FREM1: variants seen among roughly 807,000 people sequenced by gnomAD.
FREM1 encodes the protein FRAS1-related extracellular matrix protein 1.
In FREM1, 220 loss-of-function variants were observed where a neutral mutation model predicts 210.1. The observed-to-expected ratio is 1.05, with a 90% CI of 0.94 to 1.17. The LOEUF is 1.17. FREM1 is among the 50% of genes most tolerant of loss of function. The pLI, the probability that FREM1 is intolerant of heterozygous loss-of-function variation, is 0.00. For synonymous variants in FREM1, 1,189 were observed against 980.2 expected (o/e 1.21, Z -3.98); for missense variants, 3,454 against 2,675.5 (o/e 1.29, Z -6.42).
intron 26 of FREM1, 125 bp downstream of exon 26, chr9:14,770,480 G>T: frequency 1.5e-6 from 1 of 663,914 alleles, no homozygotes. Context: ...TTTATAAACT[G>T]CATCTATCAG....
At chr9:14,857,861 A>G (rs1829080971) in intron 4 of FREM1, 112 bp from the exon 5 acceptor site, 2 of 633,380 alleles carry the variant, frequency 3.2e-6, no homozygotes, top group East Asian at 5.7e-5. Context: ...CCTCAGGAAC[A>G]CTCATGTACC....
chr9:14,842,202 T>G, intron 9 of FREM1, 114 bp downstream of exon 9: 1 of 665,696 alleles, frequency 1.5e-6, no homozygotes, highest in Non-Finnish European at 2.6e-6. Flanking sequence ...AGAAACTTGA[T>G]GTTCACCTTA....
chr9:14,811,461 T>G (rs1819389910), intron 16 of FREM1, among the ~76,000 whole-genome samples: 2 of 152,186 alleles, frequency 1.3e-5, no homozygotes, highest in African/African-American at 4.8e-5. Flanking sequence ...TTTCTGCCAG[T>G]CTATTTCAGA....
At chr9:14,740,337 A>T in intron 35 of FREM1, 103 bp from the exon 36 acceptor site, 2 of 848,958 alleles carry the variant, frequency 2.4e-6, no homozygotes, top group Admixed American at 4.4e-5. Flanking sequence ...TACACAAAAA[A>T]GTAGGTCTTT....
At chr9:14,903,974 T>A (rs1242807531) in intron 1 of FREM1, among the ~76,000 whole-genome samples, 1 of 151,870 alleles carries the variant, frequency 6.6e-6, no homozygotes, top group Non-Finnish European at 1.5e-5. Context: ...ACAAAAAAAT[T>A]AGCTGGGCGT....
intron 29 of FREM1, among the ~76,000 whole-genome samples, chr9:14,755,511 G>C (rs965488875): frequency 6.6e-6 from 1 of 152,110 alleles, no homozygotes; most frequent in Non-Finnish European, 1.5e-5. Flanking sequence ...ATTTGATTCA[G>C]ATCCATCTCA....
intron 3 of FREM1, among the ~76,000 whole-genome samples, chr9:14,862,573 C>T (rs1354454905): frequency 6.6e-6 from 1 of 152,064 alleles, no homozygotes; most frequent in African/African-American, 2.4e-5. Flanking sequence ...TTAGTGTAGT[C>T]CCAAGGTTGT....
intron 20 of FREM1, among the ~76,000 whole-genome samples, chr9:14,801,021 C>T (rs1014713925): frequency 2.6e-5 from 4 of 152,060 alleles, no homozygotes; most frequent in African/African-American, 9.7e-5. Flanking sequence ...GACAGAGTCT[C>T]ACTCTGTCGC....
chr9:14,742,910 T>G (rs1043720579), intron 35 of FREM1, among the ~76,000 whole-genome samples: 2 of 152,086 alleles, frequency 1.3e-5, no homozygotes, highest in African/African-American at 4.8e-5. Flanking sequence ...AGTATAAGGA[T>G]GAAAAACTAA....
chr9:14,825,295 C>A (rs918780927), intron 10 of FREM1, among the ~76,000 whole-genome samples: 1 of 151,536 alleles, frequency 6.6e-6, no homozygotes, highest in Admixed American at 6.6e-5. Context: ...CGAGAACAGC[C>A]TGGCCAACAT....
At chr9:14,865,262 C>T (rs1227555517) in intron 2 of FREM1, among the ~76,000 whole-genome samples, 1 of 152,178 alleles carries the variant, frequency 6.6e-6, no homozygotes, top group African/African-American at 2.4e-5. Context: ...ACCTGGGGTG[C>T]TTTCCACCCA....
chr9:14,868,684 C>T, intron 2 of FREM1, 60 bp downstream of exon 2: 2 of 1,059,672 alleles, frequency 1.9e-6, no homozygotes, highest in Non-Finnish European at 2.9e-6. Flanking sequence ...TCCCCCCACA[C>T]ATTTTCATAC....
In FREM1 at chr9:14,868,968, G is replaced by C; in HGVS notation, c.10C>G (p.Leu4Val). 1 of 1,575,488 alleles carries C rather than the reference G, an allele frequency of 6.3e-7. No individual in the cohort carries two copies. Among genetic ancestry groups the C allele is most frequent in the Non-Finnish European group, 8.6e-7 (1 of 1,163,720 alleles). The change falls in exon 2 of 37, where the codon CTG (leucine) becomes GTG (valine). Residue 4 changes from leucine to valine, a missense_variant. Transcript: ENST00000380880. ...ACGGCATTCGCAGCCCCCCAACTCA[G>C]AGAGTTCATGCTGACAGGGCCCAAC... is the stretch of plus-strand genomic sequence containing the variant. MNS[L>V]SWGAANAVLL... is the part of the protein sequence containing the mutation.
chr9:14,860,704 TAC>T (rs879508025), intron 3 of FREM1, among the ~76,000 whole-genome samples: 11,078 of 104,786 alleles, frequency 0.11, 893 homozygotes, highest in Non-Finnish European at 0.14. Context: ...CACACATATA[TAC>T]ACACATATAT....
intron 1 of FREM1, among the ~76,000 whole-genome samples, chr9:14,908,209 A>G (rs1040950745): frequency 6.6e-6 from 1 of 152,186 alleles, no homozygotes; most frequent in Non-Finnish European, 1.5e-5. Context: ...TTTTAACACC[A>G]TGGAAGAATC....
rs1587663690 is a variant in FREM1 at position 14,746,271 on chromosome 9, T to G, written c.6254+82A>C. ...AGGCACTCAATACTTGTTGAATGAA[T>G]GAAGCAGCTCTCCGCTTCCATGAGC... is the stretch of plus-strand genomic sequence containing the variant. On this transcript the variant is annotated intron_variant, in intron 35 of 36. Coordinates refer to ENST00000380880, the MANE Select transcript of FREM1 (RefSeq NM_001379081.2). 1.1e-5 allele frequency: 11 copies of G among 1,016,380 alleles called. No homozygotes were observed. In the South Asian group the frequency reaches 1.5e-4, roughly 14 times the overall value. The allele number at this position is 1,016,380 out of a possible 1,614,324, so 63.0% of individuals were successfully genotyped here.
chr9:14,893,535 T>A (rs1452429474), intron 1 of FREM1, among the ~76,000 whole-genome samples: 1 of 152,212 alleles, frequency 6.6e-6, no homozygotes, highest in African/African-American at 2.4e-5. Context: ...TTCTGTGTAG[T>A]TATATGTGTT....
chr9:14,853,742 G>A (rs905614608), intron 5 of FREM1, among the ~76,000 whole-genome samples: 1 of 152,182 alleles, frequency 6.6e-6, no homozygotes, highest in Non-Finnish European at 1.5e-5. Flanking sequence ...GGTTGATGAA[G>A]GCAGGTGAAC....
chr9:14,779,102 C>G (rs1346802615), intron 24 of FREM1, among the ~76,000 whole-genome samples: 1 of 152,122 alleles, frequency 6.6e-6, no homozygotes, highest in Non-Finnish European at 1.5e-5. Context: ...ATCCTATCAT[C>G]TGACCCACAA....
Sources: allele counts gnomAD v4.1 joint callset (sites outside exome capture counted in the v4.1 genomes callset), GRCh38; gene constraint gnomAD v4.1.1; transcripts MANE v1.5; gene names NCBI Gene and HGNC (gene_info 2026-07-23, HGNC 2026-07-21).